Variants in ANKRD30A observed in about 807,000 individuals in gnomAD.
ANKRD30A encodes ankyrin repeat domain 30A.
In ANKRD30A, 170 loss-of-function variants were observed where a neutral mutation model predicts 166.3. The ratio of observed to expected loss-of-function variants is 1.02; its 90% CI spans 0.90 to 1.16. ANKRD30A has a LOEUF of 1.16. Ranked by LOEUF, ANKRD30A falls within the 50% of genes most tolerant of loss-of-function variation. The pLI is 0.00. For missense variants in ANKRD30A, 1,630 were observed against 1,518.0 expected, an observed-to-expected ratio of 1.07 and a Z score of -1.23; for synonymous variants, 564 against 508.9, an observed-to-expected ratio of 1.11 and a Z score of -1.46.
At chr10:37,253,671 TGG>T in the ANKRD30A span, among the ~76,000 whole-genome samples, 1 of 148,142 alleles carries the variant, frequency 6.8e-6, no homozygotes, top group African/African-American at 2.5e-5. Context: ...TTTTTTGAGA[TGG>T]AGTCTCACTT....
chr10:37,191,436 G>A (rs1190691958), intron 25 of ANKRD30A, among the ~76,000 whole-genome samples: 3 of 151,876 alleles, frequency 2.0e-5, no homozygotes, highest in Non-Finnish European at 2.9e-5. Flanking sequence ...CATGATGAAT[G>A]TTTGTAATGC....
chr10:37,243,799 AT>A, the ANKRD30A span, among the ~76,000 whole-genome samples: 1,420 of 152,134 alleles, frequency 9.3e-3, 34 homozygotes, highest in East Asian at 0.094. Flanking sequence ...CTTTATATAT[AT>A]TTTTTAAAGG....
chr10:37,130,386 C>A lies in ANKRD30A; in HGVS notation c.510+8C>A. On this transcript the variant is annotated splice_region_variant and intron_variant, in intron 3 of 35. Transcript: ENST00000361713. ...ATCGAAGTGCACAACAAGGTAGACA[C>A]TAACCAATGTTATTTTCAAAATATT... is the stretch of plus-strand genomic sequence containing the variant. 1.4e-6 allele frequency: 2 copies of A among 1,432,968 alleles called. No homozygotes were observed. The highest frequency in any genetic ancestry group is 1.8e-6 in the Non-Finnish European group (2 of 1,086,542). 88.8% of individuals were successfully genotyped at this position (1,432,968 alleles called of 1,614,324 possible). A position where few individuals can be genotyped will look rare whatever the true frequency, so the allele number is the denominator to read the frequency against.
chr10:37,231,976 A>C (rs917533696), intron 35 of ANKRD30A, among the ~76,000 whole-genome samples: 1 of 152,016 alleles, frequency 6.6e-6, no homozygotes, highest in Non-Finnish European at 1.5e-5. Context: ...ATTTCCTAGT[A>C]ACTAAATATA....
intron 2 of ANKRD30A, 70 bp downstream of exon 2, chr10:37,130,077 T>C (rs1239198148): frequency 2.4e-6 from 3 of 1,239,990 alleles, no homozygotes; most frequent in Non-Finnish European, 3.1e-6. Flanking sequence ...AATGAATTTA[T>C]CTCATTGAAA....
chr10:37,178,390 A>G (rs1340207933), intron 24 of ANKRD30A: 15 of 490,978 alleles, frequency 3.1e-5, no homozygotes, highest in African/African-American at 2.9e-4. Flanking sequence ...CAAACTTTAG[A>G]AAGTCAGCTG....
chr10:37,138,151 A>G (rs1218024646), intron 6 of ANKRD30A, among the ~76,000 whole-genome samples: 1 of 152,190 alleles, frequency 6.6e-6, no homozygotes, highest in Non-Finnish European at 1.5e-5. Context: ...ACTCCAACAG[A>G]CGTGCAGCTG....
At chr10:37,179,025 TA>T (rs1839968349) in intron 24 of ANKRD30A, among the ~76,000 whole-genome samples, 1 of 29,344 alleles carries the variant, frequency 3.4e-5, no homozygotes, top group Non-Finnish European at 9.4e-5. Flanking sequence ...TATATATATA[TA>T]TATATATATA....
chr10:37,183,864 G>T (rs369300243), intron 24 of ANKRD30A, among the ~76,000 whole-genome samples: 1,087 of 148,294 alleles, frequency 7.3e-3, no homozygotes, highest in Admixed American at 0.06. Context: ...TTTAAAAAAT[G>T]GTGACCGGGT....
chr10:37,166,177 C>G (rs1839320788), intron 18 of ANKRD30A, among the ~76,000 whole-genome samples: 1 of 152,110 alleles, frequency 6.6e-6, no homozygotes, highest in African/African-American at 2.4e-5. Flanking sequence ...TAACACTAAA[C>G]AGTTCTATGA....
At chr10:37,212,411 G>A (rs1397850094) in intron 31 of ANKRD30A, among the ~76,000 whole-genome samples, 2 of 151,998 alleles carry the variant, frequency 1.3e-5, no homozygotes, top group Admixed American at 6.6e-5. Flanking sequence ...TTATGGGTAG[G>A]AAGAATCAAT....
the ANKRD30A span, among the ~76,000 whole-genome samples, chr10:37,258,653 T>TAAAAAA: frequency 8.6e-6 from 1 of 116,246 alleles, no homozygotes; most frequent in Non-Finnish European, 1.8e-5. Flanking sequence ...GGTTAAAAAT[T>TAAAAAA]AAAAAAAAAA....
At position 37,125,702 on chromosome 10, in the gene ANKRD30A, G is replaced by T; in HGVS notation, c.-86G>T. The T allele has an allele frequency of 1.9e-6, 1 of 539,042 alleles. No individual in the cohort carries two copies. The highest frequency in any genetic ancestry group is 3.4e-6 in the Non-Finnish European group (1 of 298,208). 33.4% of individuals were successfully genotyped at this position (539,042 alleles called of 1,614,324 possible). A position where few individuals can be genotyped will look rare whatever the true frequency, so the allele number is the denominator to read the frequency against. On this transcript the variant is annotated 5_prime_UTR_variant, in exon 1 of 36. Transcript: ENST00000361713. ...GAGGCGGTGCGTGGACTGAAGAAGG[G>T]CGAGGGCGATTGGGGAGGGGTGGGG...
At position 37,132,274 on chromosome 10, in the gene ANKRD30A, A is replaced by T. The variant is rs1334951368; in HGVS notation, c.545A>T (p.Lys182Ile). The change falls in exon 4 of 36, where the codon AAA (lysine) becomes ATA (isoleucine). Residue 182 changes from lysine (K) to isoleucine (I), a missense_variant. Lys to Ile is a moderately radical substitution (Grantham distance 102). Around this residue, in one of 4 missense-constraint regions of ANKRD30A, gnomAD observed 904 missense variants for 818.5 expected, o/e 1.10. Coordinates refer to ENST00000361713, the MANE Select transcript of ANKRD30A (RefSeq NM_052997.3). ...ACACCACTTTTACTATCCATAACGA[A>T]AAGAAGTGAGCAAATTGTGGAATTT... Reference protein sequence around the residue: ...SLTPLLLSITKRSEQIVEFLL... With the variant: ...SLTPLLLSITIRSEQIVEFLL... The T allele has an allele frequency of 1.9e-6, 3 of 1,606,498 alleles. No homozygotes were observed. Among genetic ancestry groups the T allele is most frequent in the Non-Finnish European group, 2.5e-6 (3 of 1,176,758 alleles).
At chr10:37,197,238 C>G in intron 27 of ANKRD30A, 43 bp from the exon 28 acceptor site, 1 of 1,606,046 alleles carries the variant, frequency 6.2e-7, no homozygotes, top group Non-Finnish European at 8.5e-7. Context: ...GCTGGCTTGT[C>G]ATATTTACTT....
chr10:37,228,400 T>C (rs144534465), intron 34 of ANKRD30A, among the ~76,000 whole-genome samples: 10 of 152,054 alleles, frequency 6.6e-5, no homozygotes, highest in African/African-American at 2.4e-4. Flanking sequence ...TCTGAGATGA[T>C]TAAAAATGAT....
chr10:37,211,740 A>G (rs978900890), intron 31 of ANKRD30A, among the ~76,000 whole-genome samples: 1 of 152,158 alleles, frequency 6.6e-6, no homozygotes, highest in African/African-American at 2.4e-5. Context: ...ACTAATTTAC[A>G]GTCCCACCAA....
intron 27 of ANKRD30A, among the ~76,000 whole-genome samples, chr10:37,195,849 G>A (rs2132673522): frequency 6.6e-6 from 1 of 151,256 alleles, no homozygotes; most frequent in Non-Finnish European, 1.5e-5. Context: ...GCCTTTGATG[G>A]GAAAAATTGG....
At chr10:37,256,136 A>G in the ANKRD30A span, among the ~76,000 whole-genome samples, 3 of 152,134 alleles carry the variant, frequency 2.0e-5, no homozygotes, top group Non-Finnish European at 4.4e-5. Flanking sequence ...AACTCATTCC[A>G]TCATACCATT....
Sources: allele counts gnomAD v4.1 joint callset (sites outside exome capture counted in the v4.1 genomes callset), GRCh38; gene constraint gnomAD v4.1.1; regional missense constraint gnomAD v4.1.1; transcripts MANE v1.5; gene names NCBI Gene and HGNC (gene_info 2026-07-23, HGNC 2026-07-21).